The following GPR158 variants were observed in gnomAD, a reference collection of about 807,000 sequenced individuals.
GPR158 encodes the protein G protein-coupled receptor 158, also known as metabotropic glycine receptor.
Under a neutral mutation model 78.2 loss-of-function variants are expected in GPR158, and 30 were observed. The ratio of observed to expected loss-of-function variants is 0.38; its 90% confidence interval spans 0.29 to 0.52. GPR158 has a LOEUF of 0.52. GPR158 is among the 20% of genes least tolerant of loss of function. The pLI, the probability that GPR158 is intolerant of heterozygous loss-of-function variation, is 0.83. For missense variants in GPR158, 1,463 were observed against 1,523.5 expected, an observed-to-expected ratio of 0.96 and a Z score of 0.66; for synonymous variants, 581 against 591.1, an observed-to-expected ratio of 0.98 and a Z score of 0.25.
At chr10:25,293,444 A>G (rs1036436954) in intron 2 of GPR158, among the ~76,000 whole-genome samples, 1 of 152,196 alleles carries the variant, frequency 6.6e-6, no homozygotes, top group Non-Finnish European at 1.5e-5. Context: ...TAAATGAGAT[A>G]TTATATACCT....
chr10:25,514,049 AC>A (rs1836126582), intron 5 of GPR158, among the ~76,000 whole-genome samples: 1 of 152,110 alleles, frequency 6.6e-6, no homozygotes, highest in Non-Finnish European at 1.5e-5. Flanking sequence ...GTTCTAAGGT[AC>A]GTTTAAATCC....
At chr10:25,487,656 G>A (rs1013283857) in intron 5 of GPR158, among the ~76,000 whole-genome samples, 14 of 152,232 alleles carry the variant, frequency 9.2e-5, no homozygotes, top group South Asian at 4.1e-4. Flanking sequence ...AATAATGAAA[G>A]TATCCTGGGA....
rs146914713 is a variant in GPR158, at chr10:25,189,908, G to C, written c.902+13586G>C. ...TACCTGGAAGAACAGAAAGAGGGAA[G>C]GGGGGTACAGTTTGGTGTAGAGGAG... On this transcript the variant is annotated intron_variant, in intron 1 of 10. Transcript: ENST00000376351. Among the ~76,000 whole-genome samples the C allele has an allele frequency of 4.0e-5, 6 of 150,666 alleles. No homozygotes were observed. In the East Asian group the frequency reaches 1.2e-3, roughly 29 times the overall value.
chr10:25,588,863 G>A, intron 7 of GPR158, 144 bp from the exon 8 acceptor site: 1 of 451,738 alleles, frequency 2.2e-6, no homozygotes, highest in Non-Finnish European at 3.9e-6. Flanking sequence ...AAAATATATG[G>A]CATTTGTATT....
intron 2 of GPR158, chr10:25,393,830 A>G (rs1242828376): frequency 6.6e-6 from 1 of 152,216 alleles, no homozygotes; most frequent in Non-Finnish European, 1.5e-5. Context: ...TTGCAGCCGG[A>G]TTACTCTCAT....
chr10:25,419,616 T>C (rs748707954), intron 4 of GPR158, among the ~76,000 whole-genome samples: 21 of 152,210 alleles, frequency 1.4e-4, no homozygotes, highest in Non-Finnish European at 2.8e-4. Flanking sequence ...TTGGAAGGTT[T>C]ACAGTTCCTC....
In GPR158 at chr10:25,599,575, A is replaced by G. The variant is rs982551242; in HGVS notation, c.*301A>G. On this transcript the variant is annotated 3_prime_UTR_variant, in exon 11 of 11. Coordinates refer to ENST00000376351, the MANE Select transcript of GPR158 (RefSeq NM_020752.3). ...GCCCTGATCAATATGTATCCATGGG[A>G]CTTTGAAGATCCTAAGCCAGGTAAA... 7.3e-6 allele frequency: 2 copies of G among 272,302 alleles called. No individual in the cohort carries two copies. The highest frequency in any genetic ancestry group is 2.2e-5 in the African/African-American group (1 of 45,402). The allele number at this position is 272,302 out of a possible 1,614,324, so 16.9% of individuals were successfully genotyped here.
chr10:25,515,206 T>A (rs899261917), intron 5 of GPR158, among the ~76,000 whole-genome samples: 8 of 151,768 alleles, frequency 5.3e-5, no homozygotes, highest in African/African-American at 9.7e-5. Flanking sequence ...TTTTAAAAAA[T>A]TTTTTGTCTT....
chr10:25,418,488 CTG>C, intron 4 of GPR158, among the ~76,000 whole-genome samples: 1 of 152,082 alleles, frequency 6.6e-6, no homozygotes, highest in Non-Finnish European at 1.5e-5. Context: ...TGTCAGTAAA[CTG>C]TGAATAATTT....
At chr10:25,433,379 C>A (rs1370053111) in intron 4 of GPR158, among the ~76,000 whole-genome samples, 7 of 152,150 alleles carry the variant, frequency 4.6e-5, no homozygotes, top group Non-Finnish European at 8.8e-5. Flanking sequence ...ATGCCTATAG[C>A]AAACTGAATA....
chr10:25,180,836 A>G (rs147303615), intron 1 of GPR158, among the ~76,000 whole-genome samples: 4 of 152,274 alleles, frequency 2.6e-5, no homozygotes, highest in African/African-American at 9.6e-5. Context: ...AGAGGAAACC[A>G]AGTGAATGTT....
At chr10:25,540,369 G>A (rs181661866) in intron 5 of GPR158, among the ~76,000 whole-genome samples, 3 of 152,322 alleles carry the variant, frequency 2.0e-5, no homozygotes, top group African/African-American at 7.2e-5. Flanking sequence ...TTCAACCATT[G>A]TGGAAGACAG....
At chr10:25,546,567 A>G (rs1836665102) in intron 5 of GPR158, among the ~76,000 whole-genome samples, 1 of 151,992 alleles carries the variant, frequency 6.6e-6, no homozygotes, top group South Asian at 2.1e-4. Context: ...TCTCCCTCTC[A>G]CCATATTAGT....
At chr10:25,364,017 A>C (rs1329404043) in intron 2 of GPR158, among the ~76,000 whole-genome samples, 2 of 152,006 alleles carry the variant, frequency 1.3e-5, no homozygotes, top group African/African-American at 4.8e-5. Flanking sequence ...AATATTTGTA[A>C]AGTGCTTAAA....
intron 2 of GPR158, among the ~76,000 whole-genome samples, chr10:25,318,781 T>C (rs1234935694): frequency 6.6e-6 from 1 of 152,222 alleles, no homozygotes; most frequent in Non-Finnish European, 1.5e-5. Flanking sequence ...ACATGTTATG[T>C]CTCCGCTTTA....
At chr10:25,589,166 G>T in intron 8 of GPR158, 21 bp downstream of exon 8, 1 of 1,547,796 alleles carries the variant, frequency 6.5e-7, no homozygotes, top group Non-Finnish European at 8.8e-7. Context: ...TGTAGAGCTA[G>T]TAAATAACTA....
chr10:25,197,671 T>C (rs1852861622), intron 1 of GPR158, among the ~76,000 whole-genome samples: 1 of 152,212 alleles, frequency 6.6e-6, no homozygotes, highest in South Asian at 2.1e-4. Context: ...ACATACATTT[T>C]CTTTCTCTGA....
At chr10:25,256,204 G>A (rs1194560860) in intron 2 of GPR158, among the ~76,000 whole-genome samples, 1 of 151,484 alleles carries the variant, frequency 6.6e-6, no homozygotes, top group Non-Finnish European at 1.5e-5. Context: ...CTTAGCAGAA[G>A]AGTAAACACC....
chr10:25,433,694 C>CTTTTT (rs3082190), intron 4 of GPR158, among the ~76,000 whole-genome samples: 1 of 109,852 alleles, frequency 9.1e-6, no homozygotes. Flanking sequence ...TTCTTTCTTT[C>CTTTTT]TTTTTTTTTT....
Sources: gnomAD v4.1 joint callset for allele counts (sites outside exome capture counted in the v4.1 genomes callset) on GRCh38, gnomAD v4.1.1 for gene constraint, MANE v1.5 for transcripts, NCBI Gene and HGNC (gene_info 2026-07-23, HGNC 2026-07-21) for gene names.